ADORA2B: variants seen among roughly 807,000 people sequenced by gnomAD.
ADORA2B encodes adenosine receptor A2b.
Under a neutral mutation model 20.8 loss-of-function variants are expected in ADORA2B, and 18 were observed. The ratio of observed to expected loss-of-function variants is 0.87; its 90% CI spans 0.60 to 1.29. The LOEUF is 1.29. Among genes scored for constraint, ADORA2B ranks in the 50% most tolerant of loss-of-function variants. The pLI is 0.00. For missense variants in ADORA2B, 441 were observed against 422.7 expected (o/e 1.04, Z -0.38); for synonymous variants, 179 against 178.3 (o/e 1.00, Z -0.03).
In ADORA2B at chr17:15,950,820, C is replaced by T. The variant is rs368909550; in HGVS notation, c.335+5237C>T. Among the ~76,000 whole-genome samples the T allele has an allele frequency of 3.4e-4, 52 of 152,336 alleles. 1 individual carries two copies. In the South Asian group the frequency reaches 0.011, roughly 32 times the overall value. On this transcript the variant is annotated intron_variant, in intron 1 of 1. Coordinates refer to ENST00000304222, the MANE Select transcript of ADORA2B (RefSeq NM_000676.4). The stretch of plus-strand genomic sequence containing the variant: ...CACCACGGCCAAGTTATATTCCCAC[C>T]CATGGTCTTTGCACCCCCGTTCCTC...
intron 1 of ADORA2B, among the ~76,000 whole-genome samples, chr17:15,950,220 G>C (rs1432528758): frequency 1.3e-5 from 2 of 152,176 alleles, no homozygotes; most frequent in Non-Finnish European, 2.9e-5. Context: ...TGAAGGTGGA[G>C]GCCACAGCCA....
chr17:15,851,613 G>A, the ADORA2B span, among the ~76,000 whole-genome samples: 6 of 152,300 alleles, frequency 3.9e-5, no homozygotes, highest in East Asian at 1.9e-4. Flanking sequence ...TACCTTCCAC[G>A]TCCTCTGAGA....
the ADORA2B span, among the ~76,000 whole-genome samples, chr17:15,938,498 T>A: frequency 6.6e-6 from 1 of 152,094 alleles, no homozygotes; most frequent in Non-Finnish European, 1.5e-5. Context: ...GAGACGAGGT[T>A]TCATCATGTT....
the ADORA2B span, among the ~76,000 whole-genome samples, chr17:15,920,136 T>C: frequency 1.3e-5 from 2 of 152,210 alleles, no homozygotes; most frequent in Non-Finnish European, 2.9e-5. Flanking sequence ...AAATACTGAA[T>C]GTTCTCATTA....
At chr17:15,892,193 A>G in the ADORA2B span, among the ~76,000 whole-genome samples, 1 of 143,286 alleles carries the variant, frequency 7.0e-6, no homozygotes, top group African/African-American at 2.6e-5. Flanking sequence ...TTTGAGATAG[A>G]GTTTCACTCT....
chr17:15,954,762 G>T (rs1045259108), intron 1 of ADORA2B, among the ~76,000 whole-genome samples: 18 of 152,154 alleles, frequency 1.2e-4, no homozygotes, highest in African/African-American at 4.3e-4. Flanking sequence ...GTGAGACCCT[G>T]TCTCAAAAAA....
the ADORA2B span, among the ~76,000 whole-genome samples, chr17:15,878,184 TACACAC>T: frequency 0.21 from 29,565 of 143,754 alleles, 3,439 homozygotes; most frequent in Non-Finnish European, 0.27. Flanking sequence ...TGTGTGTGTA[TACACAC>T]ACACACACAC....
chr17:15,890,231 C>T, the ADORA2B span, among the ~76,000 whole-genome samples: 2 of 128,696 alleles, frequency 1.6e-5, 1 homozygote, highest in Non-Finnish European at 3.3e-5. Context: ...GATACTTTAC[C>T]GTTTTCATTT....
the ADORA2B span, among the ~76,000 whole-genome samples, chr17:15,889,618 A>G: frequency 7.7e-6 from 1 of 130,264 alleles, no homozygotes; most frequent in Non-Finnish European, 1.6e-5. Flanking sequence ...CCTAGGCCGG[A>G]CGTAGTGGCT....
chr17:15,968,825 G>C (rs975828919), intron 1 of ADORA2B, among the ~76,000 whole-genome samples: 7 of 152,178 alleles, frequency 4.6e-5, no homozygotes, highest in Admixed American at 4.6e-4. Context: ...CCACAGCCCA[G>C]AGCTGCCCAA....
the ADORA2B span, among the ~76,000 whole-genome samples, chr17:15,904,005 AT>A: frequency 7.9e-5 from 12 of 151,724 alleles, no homozygotes; most frequent in East Asian, 1.9e-4. Context: ...AATTTTAAGA[AT>A]TTTTTTTGTG....
chr17:15,888,285 T>G, the ADORA2B span, among the ~76,000 whole-genome samples: 1 of 129,668 alleles, frequency 7.7e-6, no homozygotes, highest in Non-Finnish European at 1.6e-5. Flanking sequence ...TGGGCATGAC[T>G]GCCATCTGCT....
chr17:15,927,296 A>T, the ADORA2B span, among the ~76,000 whole-genome samples: 3 of 152,298 alleles, frequency 2.0e-5, no homozygotes, highest in African/African-American at 7.2e-5. Context: ...ATTCTGGCTA[A>T]CATGGTGAAA....
At chr17:15,904,804 T>C in the ADORA2B span, among the ~76,000 whole-genome samples, 2 of 152,210 alleles carry the variant, frequency 1.3e-5, no homozygotes, top group African/African-American at 4.8e-5. Context: ...TTCAACACCA[T>C]TTGTTAGAGC....
chr17:15,897,767 C>T, the ADORA2B span, among the ~76,000 whole-genome samples: 10 of 151,950 alleles, frequency 6.6e-5, no homozygotes, highest in Non-Finnish European at 1.2e-4. Context: ...ATTTGATAAC[C>T]CTGAGAGGAT....
At chr17:15,867,098 C>G in the ADORA2B span, among the ~76,000 whole-genome samples, 5 of 152,204 alleles carry the variant, frequency 3.3e-5, no homozygotes, top group Admixed American at 6.5e-5. Flanking sequence ...TCAATGGTGC[C>G]CAGGCTGGAG....
At chr17:15,913,126 T>TG in the ADORA2B span, among the ~76,000 whole-genome samples, 17,508 of 142,302 alleles carry the variant, frequency 0.12, 2,944 homozygotes, top group African/African-American at 0.37. Context: ...CAGAAGCCCA[T>TG]GGCACTTGCC....
chr17:15,953,176 C>T (rs1969927062), intron 1 of ADORA2B, among the ~76,000 whole-genome samples: 1 of 152,122 alleles, frequency 6.6e-6, no homozygotes, highest in Non-Finnish European at 1.5e-5. Flanking sequence ...GTGCTTCGCA[C>T]CCGTGAGTGG....
intron 1 of ADORA2B, among the ~76,000 whole-genome samples, chr17:15,969,418 A>G (rs547736615): frequency 6.6e-6 from 1 of 152,340 alleles, no homozygotes; most frequent in African/African-American, 2.4e-5. Context: ...GCGCCATTGC[A>G]CTGCAGCCCT....
Sources: gnomAD v4.1 joint callset for allele counts (sites outside exome capture counted in the v4.1 genomes callset) on GRCh38, gnomAD v4.1.1 for gene constraint, MANE v1.5 for transcripts, NCBI Gene and HGNC (gene_info 2026-07-23, HGNC 2026-07-21) for gene names.